Variants in MLLT10 observed in about 807,000 individuals in gnomAD.
MLLT10 encodes protein AF-10.
In MLLT10, 30 loss-of-function variants were observed where a neutral mutation model predicts 129.1. That is an observed-to-expected ratio of 0.23 (90% CI 0.17 to 0.32). The LOEUF is 0.32. MLLT10 is among the 10% of genes least tolerant of loss of function. The pLI, the probability that MLLT10 is intolerant of heterozygous loss-of-function variation, is 1.00. For synonymous variants in MLLT10, 490 were observed against 446.4 expected (o/e 1.10, Z -1.23); for missense variants, 1,119 against 1,268.3 (o/e 0.88, Z 1.79).
chr10:21,535,901 T>G (rs1311449212), intron 2 of MLLT10, among the ~76,000 whole-genome samples: 1 of 152,236 alleles, frequency 6.6e-6, no homozygotes, highest in East Asian at 1.9e-4. Flanking sequence ...GTAGTGTACT[T>G]ACTCTGAGAA....
At chr10:21,570,633 G>A (rs1291881398) in intron 3 of MLLT10, among the ~76,000 whole-genome samples, 1 of 150,882 alleles carries the variant, frequency 6.6e-6, no homozygotes, top group Non-Finnish European at 1.5e-5. Context: ...TTCATGGGTT[G>A]TAAATCTCAA....
chr10:21,677,287 T>C (rs972775549), intron 11 of MLLT10, among the ~76,000 whole-genome samples: 3 of 152,216 alleles, frequency 2.0e-5, no homozygotes, highest in Admixed American at 6.5e-5. Context: ...ATTTTTCCTT[T>C]GGACTAATTT....
At chr10:21,586,248 G>T in intron 3 of MLLT10, 46 bp from the exon 4 acceptor site, 2 of 1,437,570 alleles carry the variant, frequency 1.4e-6, no homozygotes, top group South Asian at 1.3e-5. Context: ...CTACATTTTT[G>T]ATAATCTGAA....
At chr10:21,620,910 T>G (rs1411661934) in intron 8 of MLLT10, among the ~76,000 whole-genome samples, 1 of 151,868 alleles carries the variant, frequency 6.6e-6, no homozygotes, top group Admixed American at 6.6e-5. Context: ...CTCGAACTCC[T>G]GACCTCAGGT....
chr10:21,647,602 C>T (rs2048618322), intron 8 of MLLT10, among the ~76,000 whole-genome samples: 1 of 151,992 alleles, frequency 6.6e-6, no homozygotes, highest in Non-Finnish European at 1.5e-5. Flanking sequence ...CAAAACCCAA[C>T]AACTTTGGTC....
chr10:21,590,697 G>T (rs769463211), intron 4 of MLLT10, among the ~76,000 whole-genome samples: 18 of 152,084 alleles, frequency 1.2e-4, no homozygotes, highest in Non-Finnish European at 1.8e-4. Flanking sequence ...TAATTACCCC[G>T]TTGTTATTCC....
intron 3 of MLLT10, chr10:21,556,903 C>T: frequency 6.4e-7 from 1 of 1,550,664 alleles, no homozygotes; most frequent in Non-Finnish European, 8.7e-7. Context: ...TGCCATTTAT[C>T]TCAGTTGTCA....
At chr10:21,537,756 A>G (rs2034319793) in intron 2 of MLLT10, among the ~76,000 whole-genome samples, 1 of 152,182 alleles carries the variant, frequency 6.6e-6, no homozygotes, top group African/African-American at 2.4e-5. Context: ...GGCATGAGCC[A>G]CCGCGTCCGA....
rs550987765 is a variant in MLLT10 at position 21,550,245 on chromosome 10, C to T, written c.240+11333C>T. Reference sequence around the variant, plus strand: ...AGATTTTGGGCCCCATACCTTCCCTCAGTATCCCCTTGGATTTCTAGAGTG... The same window carrying T: ...AGATTTTGGGCCCCATACCTTCCCTTAGTATCCCCTTGGATTTCTAGAGTG... On this transcript the variant is annotated intron_variant, in intron 3 of 22. Coordinates refer to ENST00000307729, the MANE Select transcript of MLLT10 (RefSeq NM_001195626.3). Among the ~76,000 whole-genome samples, 4 of 152,278 alleles carry T rather than the reference C, an allele frequency of 2.6e-5. No homozygotes were observed. In the South Asian group the frequency reaches 8.3e-4, roughly 32 times the overall value.
At chr10:21,640,324 G>A (rs1000823576) in intron 8 of MLLT10, among the ~76,000 whole-genome samples, 1 of 142,926 alleles carries the variant, frequency 7.0e-6, no homozygotes, top group African/African-American at 2.6e-5. Context: ...ATATATTGGT[G>A]TATATATTAC....
At chr10:21,673,301 T>TGGGCCC in intron 10 of MLLT10, 49 bp from the exon 11 acceptor site, 1 of 237,942 alleles carries the variant, frequency 4.2e-6, no homozygotes, top group East Asian at 7.3e-5. Flanking sequence ...AATTTTTCTG[T>TGGGCCC]CCCCCCCACC....
intron 3 of MLLT10, among the ~76,000 whole-genome samples, chr10:21,540,647 A>G (rs1222245294): frequency 6.6e-6 from 1 of 152,320 alleles, no homozygotes; most frequent in East Asian, 1.9e-4. Context: ...TTCATTAGTT[A>G]TGCAAACCTA....
intron 12 of MLLT10, 63 bp downstream of exon 12, chr10:21,681,439 T>C: frequency 8.8e-7 from 1 of 1,134,586 alleles, no homozygotes; most frequent in Non-Finnish European, 1.3e-6. Flanking sequence ...CTTTCTAGTA[T>C]GTTATGCCAC....
intron 3 of MLLT10, among the ~76,000 whole-genome samples, chr10:21,579,649 G>A (rs1379563657): frequency 1.3e-5 from 2 of 149,044 alleles, no homozygotes; most frequent in South Asian, 2.2e-4. Flanking sequence ...CACAACCTCC[G>A]CCTCTTGGGT....
At chr10:21,576,140 T>C (rs1443286738) in intron 3 of MLLT10, among the ~76,000 whole-genome samples, 2 of 151,994 alleles carry the variant, frequency 1.3e-5, no homozygotes, top group Non-Finnish European at 2.9e-5. Context: ...TTGGCCAGGC[T>C]GGTTTCGAAC....
rs569171841 is a variant in MLLT10 at position 21,662,195 on chromosome 10, CT to C, written c.796-8247del. Among the ~76,000 whole-genome samples the C allele has an allele frequency of 2.3e-3, 355 of 152,120 alleles. 2 individuals are homozygous for C. Among genetic ancestry groups the C allele is most frequent in the African/African-American group, 8.1e-3 (337 of 41,510 alleles). On this transcript the variant is annotated intron_variant, in intron 9 of 22. Transcript: ENST00000307729. ...GGAGGTGTACTTCCCTTACCCCCTC[CT>C]TTTTTTGCATTTATCTTGTTTGGCA... is the stretch of plus-strand genomic sequence containing the variant.
At chr10:21,596,967 T>C (rs1378385021) in intron 5 of MLLT10, among the ~76,000 whole-genome samples, 5 of 152,192 alleles carry the variant, frequency 3.3e-5, no homozygotes, top group Non-Finnish European at 7.3e-5. Flanking sequence ...AAATGCTCTT[T>C]ATTGTTTCTG....
chr10:21,632,710 A>G (rs1204301462), intron 8 of MLLT10, among the ~76,000 whole-genome samples: 2 of 152,144 alleles, frequency 1.3e-5, no homozygotes, highest in Non-Finnish European at 2.9e-5. Flanking sequence ...GCTCCTTTCT[A>G]TGGCCTCTCT....
intron 14 of MLLT10, 39 bp downstream of exon 14, chr10:21,713,989 G>C (rs370140908): frequency 7.2e-6 from 11 of 1,537,110 alleles, no homozygotes; most frequent in Non-Finnish European, 8.8e-6. Context: ...TAATAGGTGG[G>C]TTTCTCATTT....
Sources: gnomAD v4.1 joint callset for allele counts (sites outside exome capture counted in the v4.1 genomes callset) on GRCh38, gnomAD v4.1.1 for gene constraint, MANE v1.5 for transcripts, NCBI Gene and HGNC (gene_info 2026-07-23, HGNC 2026-07-21) for gene names.